PRRC2B: variants seen among roughly 807,000 people sequenced by gnomAD.
PRRC2B encodes the protein proline rich coiled-coil 2B.
In PRRC2B, 68 loss-of-function variants were observed where a neutral mutation model predicts 242.3. The ratio of observed to expected loss-of-function variants is 0.28; its 90% CI spans 0.23 to 0.34. The LOEUF (loss-of-function observed/expected upper bound fraction) is 0.34. Among genes scored for constraint, PRRC2B ranks in the 10% least tolerant of loss-of-function variants. The pLI is 1.00. For missense variants in PRRC2B, 2,835 were observed against 2,954.8 expected (o/e 0.96, Z 0.94); for synonymous variants, 1,228 against 1,173.6 (o/e 1.05, Z -0.95).
At chr9:131,495,364 A>G (rs1171250653) in intron 31 of PRRC2B, among the ~76,000 whole-genome samples, 2 of 151,992 alleles carry the variant, frequency 1.3e-5, no homozygotes, top group Admixed American at 6.6e-5. Flanking sequence ...GGGCACTTGG[A>G]TCTACTTGAA....
At position 131,494,429 on chromosome 9, in the gene PRRC2B, G is replaced by A; in HGVS notation, c.6498G>A (p.Gly2166=). Residue 2166 remains glycine (G), a synonymous_variant, in exon 31 of 32, where the codon GGG becomes GGA. Coordinates refer to ENST00000683519, the MANE Select transcript of PRRC2B (RefSeq NM_013318.4). This position sits in a 1 kb window ranked among gnomAD's most constrained non-coding sequence, Gnocchi z 4.3. The stretch of plus-strand genomic sequence containing the variant: ...GGCCTAGCTCTGCTAGCCCCAGTGG[G>A]AAGCCCTCTGGATCAGCAGTTAACA... ...TYRPSSASPS[G]KPSGSAVNMG... is the part of the protein sequence containing the mutation. 1.2e-6 allele frequency: 2 copies of A among 1,604,386 alleles called. No homozygotes were observed. Among genetic ancestry groups the A allele is most frequent in the Non-Finnish European group, 1.7e-6 (2 of 1,174,502 alleles).
chr9:131,478,642 G>GGGGGGGGGGGGGGGGGCC, intron 18 of PRRC2B, 23 bp downstream of exon 18: 5 of 482,008 alleles, frequency 1.0e-5, no homozygotes, highest in Admixed American at 2.5e-5. Flanking sequence ...GGGTGGGGGG[G>GGGGGGGGGGGGGGGGGCC]CATGGGGCTG....
intron 28 of PRRC2B, among the ~76,000 whole-genome samples, chr9:131,490,199 C>T (rs1944148160): frequency 6.6e-6 from 1 of 151,756 alleles, no homozygotes; most frequent in South Asian, 2.1e-4. Flanking sequence ...CTTGTCCAGT[C>T]CACATCCTCC....
intron 19 of PRRC2B, 28 bp from the exon 20 acceptor site, chr9:131,481,698 C>A: frequency 6.5e-7 from 1 of 1,537,402 alleles, no homozygotes; most frequent in Non-Finnish European, 8.8e-7. Flanking sequence ...CTCTTTGATG[C>A]CCTGACTCTG....
Position 131,473,609 on chromosome 9 carries a change from C to G in PRRC2B, c.2209C>G (p.Pro737Ala), listed in dbSNP as rs1182314932. 6.2e-7 allele frequency: 1 copy of G among 1,613,316 alleles called. No homozygotes were observed. The highest frequency in any genetic ancestry group is 1.7e-5 in the Admixed American group (1 of 59,956). ...CCCACTCCAAGAAAGAAAAGTGACC[C>G]CCATCGACTCACCCCCTGTGTGGAG... The part of the protein sequence containing the change: ...VPPLQERKVT[P>A]IDSPPVWSPE... The change falls in exon 15 of 32, where the codon CCC becomes GCC. Residue 737 changes from proline to alanine, a missense_variant. Pro to Ala is a conservative substitution (Grantham distance 27). This residue lies in a region of PRRC2B where 1,536 missense variants were observed against 1,483.1 expected (regional missense o/e 1.04). Transcript: ENST00000683519.
At chr9:131,384,879 G>T (rs1039761440) in intron 1 of PRRC2B, among the ~76,000 whole-genome samples, 1 of 152,198 alleles carries the variant, frequency 6.6e-6, no homozygotes, top group Admixed American at 6.6e-5. Flanking sequence ...CACATTGGCT[G>T]TAACAGGAGT....
In PRRC2B at chr9:131,485,874, C is replaced by T. The variant is rs899145402; in HGVS notation, c.5759-211C>T. ...CCCTCCTCCTAGGTCTGACGCTGCA[C>T]CCTCCCTACGTTCCCTGAGGTGCGT... On this transcript the variant is annotated intron_variant, in intron 25 of 31. Transcript: ENST00000683519. 1.5e-5 allele frequency: 11 copies of T among 722,734 alleles called. No homozygotes were observed. In the African/African-American group the frequency reaches 1.5e-4, roughly 10 times the overall value. The allele number at this position is 722,734 out of a possible 1,614,324, so 44.8% of individuals were successfully genotyped here.
chr9:131,476,363 GAGA>G lies in PRRC2B; in HGVS notation c.4240_4242del (p.Lys1414del), dbSNP rs1943700334. 1.3e-6 allele frequency: 2 copies of G among 1,596,602 alleles called. No homozygotes were observed. The highest frequency in any genetic ancestry group is 2.3e-5 in the East Asian group (1 of 44,026). On this transcript the variant is annotated inframe_deletion, in exon 16 of 32. Transcript: ENST00000683519. ...TGGCCTGTCGGGGGCTAGTTTGGGT[GAGA>G]AGAAGGAGCTGGCCAAGAGGAGCTT... is the stretch of plus-strand genomic sequence containing the variant.
intron 1 of PRRC2B, among the ~76,000 whole-genome samples, chr9:131,376,353 C>CAAAA (rs34978838): frequency 1.8e-5 from 2 of 112,540 alleles, no homozygotes; most frequent in African/African-American, 3.3e-5. Context: ...GACTCCATCT[C>CAAAA]AAAAAAAAAA....
chr9:131,475,707 C>G lies in PRRC2B; in HGVS notation c.3578C>G (p.Ala1193Gly), dbSNP rs758105853. ...TCTGAGGACCACAGCGGTCTAGATG[C>G]CAAGAGCCGAGGCCCTCGGGCCTTT... ...GCSEDHSGLDAKSRGPRAFGR... is the reference protein window; with the variant it reads ...GCSEDHSGLDGKSRGPRAFGR... Residue 1193 changes from alanine (A) to glycine (G), a missense_variant, in exon 16 of 32, where the codon GCC (alanine) becomes GGC (glycine). Physicochemically the swap from Ala to Gly is moderately conservative, Grantham distance 60 (BLOSUM62 0). Transcript: ENST00000683519. 2.5e-6 allele frequency: 4 copies of G among 1,613,046 alleles called. No individual in the cohort carries two copies. Among genetic ancestry groups the G allele is most frequent in the Admixed American group, 1.7e-5 (1 of 59,958 alleles).
chr9:131,386,112 G>C (rs142719333), intron 1 of PRRC2B, among the ~76,000 whole-genome samples: 1 of 147,220 alleles, frequency 6.8e-6, no homozygotes, highest in Non-Finnish European at 1.5e-5. Flanking sequence ...AAGGATCTCT[G>C]TTTGTTTGTT....
chr9:131,459,284 G>C lies in PRRC2B; in HGVS notation c.1332G>C (p.Val444=), dbSNP rs1943173648. The C allele has an allele frequency of 2.5e-6, 4 of 1,613,812 alleles. No individual in the cohort carries two copies. The African/African-American group carries it at 5.3e-5, about 22-fold the overall frequency. ...CTGAAGCAGTGGGTGCGTCCCGTGT[G>C]GTCCGAAAGGCGCCAGACCCTCAGC... The part of the protein sequence containing the change: ...DWAEAVGASR[V]VRKAPDPQPP... Residue 444 remains valine, a synonymous_variant, in exon 11 of 32, where the codon GTG becomes GTC. Coordinates refer to ENST00000683519, the MANE Select transcript of PRRC2B (RefSeq NM_013318.4).
At chr9:131,474,253 C>T (rs982781164) in intron 15 of PRRC2B, among the ~76,000 whole-genome samples, 1 of 152,150 alleles carries the variant, frequency 6.6e-6, no homozygotes, top group South Asian at 2.1e-4. Context: ...ATTTCTGAGA[C>T]GTGTTTAAAG....
At chr9:131,468,884 A>G (rs1482327542) in intron 13 of PRRC2B, among the ~76,000 whole-genome samples, 2 of 152,164 alleles carry the variant, frequency 1.3e-5, no homozygotes, top group Non-Finnish European at 2.9e-5. Context: ...ATTTTAGAGC[A>G]TGGGAGTGTA....
intron 1 of PRRC2B, among the ~76,000 whole-genome samples, chr9:131,380,879 C>G (rs559829898): frequency 2.4e-4 from 6 of 24,980 alleles, no homozygotes; most frequent in African/African-American, 4.9e-4. Flanking sequence ...GTGTGAGATT[C>G]TGTCTCCAAA....
intron 25 of PRRC2B, among the ~76,000 whole-genome samples, 159 bp from the exon 26 acceptor site, chr9:131,485,926 G>A (rs189807238): frequency 6.6e-6 from 1 of 152,294 alleles, no homozygotes; most frequent in African/African-American, 2.4e-5. Context: ...GCAGGCGTGT[G>A]CTTCCGGCAC....
At chr9:131,437,099 C>T (rs1838398710) in intron 4 of PRRC2B, among the ~76,000 whole-genome samples, 1 of 152,056 alleles carries the variant, frequency 6.6e-6, no homozygotes, top group Non-Finnish European at 1.5e-5. Context: ...CAAAAAGTGG[C>T]AGGTCACAAA....
chr9:131,428,248 T>A (rs1390029265), intron 1 of PRRC2B, among the ~76,000 whole-genome samples: 11 of 151,740 alleles, frequency 7.2e-5, no homozygotes, highest in Admixed American at 7.2e-4. Flanking sequence ...AGAGATAGGA[T>A]CTTGCTCTGT....
chr9:131,440,906 C>T (rs1838547136), intron 5 of PRRC2B, among the ~76,000 whole-genome samples: 2 of 152,060 alleles, frequency 1.3e-5, no homozygotes, highest in African/African-American at 2.4e-5. Context: ...TCGAGACCAG[C>T]CTGGGCAACA....
Sources: allele counts gnomAD v4.1 joint callset (sites outside exome capture counted in the v4.1 genomes callset), GRCh38; gene constraint gnomAD v4.1.1; regional missense constraint gnomAD v4.1.1; non-coding constraint Gnocchi (gnomAD v3.1); transcripts MANE v1.5; gene names NCBI Gene and HGNC (gene_info 2026-07-23, HGNC 2026-07-21).